TF: variants seen among roughly 807,000 people sequenced by gnomAD.
TF encodes transferrin.
In TF, 55 loss-of-function variants were observed where a neutral mutation model predicts 82.4. The ratio of observed to expected loss-of-function variants is 0.67; its 90% CI spans 0.54 to 0.84. TF has a LOEUF of 0.84. Ranked by LOEUF, TF falls within the 40% of genes least tolerant of loss-of-function variation. The pLI is 0.00. For synonymous variants in TF, 332 were observed against 332.6 expected (o/e 1.00, Z 0.02); for missense variants, 737 against 868.4 (o/e 0.85, Z 1.90).
rs772585063 is a variant in TF, at chr3:133,792,652, A to C, written c.*14032A>C. The C allele has an allele frequency of 4.6e-5, 7 of 152,248 alleles. No individual in the cohort carries two copies. The highest frequency in any genetic ancestry group is 1.0e-4 in the Non-Finnish European group (7 of 68,036). The allele number at this position is 152,248 out of a possible 1,614,324, so 9.4% of individuals were successfully genotyped here. A position where few individuals can be genotyped will look rare whatever the true frequency, so the allele number is the denominator to read the frequency against. ...GAGACTACTGAAGCAACAGTTTTAC[A>C]TGCAAGTTACGTAAGAAAAGTGAAT... On this transcript the variant is annotated 3_prime_UTR_variant, in exon 17 of 17. Coordinates refer to ENST00000402696, the MANE Select transcript of TF (RefSeq NM_001063.4).
rs1466222478 is a variant in TF, at chr3:133,775,425, G to A, written c.1688-8G>A. 2.5e-6 allele frequency: 4 copies of A among 1,614,132 alleles called. No individual in the cohort carries two copies. Among genetic ancestry groups the A allele is most frequent in the Admixed American group, 3.3e-5 (2 of 60,016 alleles). ...CCATCAGCTGAACCACCTTCTTCCTGTCCCTAGGAAAAAACCCTGATCCAT... is the reference window on the plus strand; with the variant it reads ...CCATCAGCTGAACCACCTTCTTCCTATCCCTAGGAAAAAACCCTGATCCAT... On this transcript the variant is annotated splice_polypyrimidine_tract_variant and splice_region_variant and intron_variant, in intron 14 of 16. Transcript: ENST00000402696.
rs1934186427 is a variant in TF at position 133,768,624 on chromosome 3, T to TGGAGC, written c.1622+464_1622+465insCGGAG. Among the ~76,000 whole-genome samples the TGGAGC allele has an allele frequency of 2.7e-5, 4 of 150,750 alleles. No homozygotes were observed. In the South Asian group the frequency reaches 8.4e-4, roughly 32 times the overall value. The stretch of plus-strand genomic sequence containing the variant: ...CTACTGTAGTTGAATAAACACTGAG[T>TGGAGC]GGAGAGTTTGGCTCAAGCTTTTCCA... On this transcript the variant is annotated intron_variant, in intron 13 of 16. Transcript: ENST00000402696.
the TF span, among the ~76,000 whole-genome samples, chr3:133,740,927 T>TTTTTTTTTC: frequency 9.1e-6 from 1 of 110,132 alleles, no homozygotes; most frequent in Non-Finnish European, 1.8e-5. Context: ...TTTTTTTTTT[T>TTTTTTTTTC]AATTTGAGTA....
chr3:133,693,932 G>T, the TF span, among the ~76,000 whole-genome samples: 1 of 152,010 alleles, frequency 6.6e-6, no homozygotes, highest in Non-Finnish European at 1.5e-5. Flanking sequence ...CTCACACCCT[G>T]CAGCGGACAA....
chr3:133,782,802 A>C lies in TF; in HGVS notation c.*4182A>C, dbSNP rs959771189. The C allele has an allele frequency of 5.3e-5, 8 of 151,824 alleles. No homozygotes were observed. Among genetic ancestry groups the C allele is most frequent in the African/African-American group, 1.2e-4 (5 of 41,360 alleles). 9.4% of individuals were successfully genotyped at this position (151,824 alleles called of 1,614,324 possible). ...AAAACCCCATCTCTGCAAAAAAAAAAAAAAAAACAAAAAAAACCCCAAAAA... is the reference window on the plus strand; with the variant it reads ...AAAACCCCATCTCTGCAAAAAAAAACAAAAAAACAAAAAAAACCCCAAAAA... On this transcript the variant is annotated 3_prime_UTR_variant, in exon 17 of 17. Coordinates refer to ENST00000402696, the MANE Select transcript of TF (RefSeq NM_001063.4).
At chr3:133,718,672 G>A in the TF span, among the ~76,000 whole-genome samples, 1 of 152,294 alleles carries the variant, frequency 6.6e-6, no homozygotes, top group African/African-American at 2.4e-5. Context: ...CCCACCTCCA[G>A]AGCCCCAGAA....
At position 133,789,170 on chromosome 3, in the gene TF, A is replaced by G. The variant is rs1474179109; in HGVS notation, c.*10550A>G. ...GGGGATGCCCTTGGCAGCAGTTCTA[A>G]GGACTAGTACTAAGCCCTCCTTAGA... On this transcript the variant is annotated 3_prime_UTR_variant, in exon 17 of 17. Coordinates refer to ENST00000402696, the MANE Select transcript of TF (RefSeq NM_001063.4). The G allele has an allele frequency of 6.6e-6, 1 of 152,298 alleles. No homozygotes were observed. 9.4% of individuals were successfully genotyped at this position (152,298 alleles called of 1,614,324 possible).
intron 15 of TF, 32 bp from the exon 16 acceptor site, chr3:133,777,017 A>T (rs769664827): frequency 6.2e-5 from 99 of 1,606,414 alleles, no homozygotes; most frequent in Non-Finnish European, 8.2e-5. Context: ...AAAGACCACA[A>T]GGTCCTCACG....
At chr3:133,691,302 A>G in the TF span, among the ~76,000 whole-genome samples, 7 of 152,184 alleles carry the variant, frequency 4.6e-5, no homozygotes, top group African/African-American at 1.7e-4. Flanking sequence ...CTTCTTATGG[A>G]TGGAAATATT....
At chr3:133,719,179 T>C in the TF span, among the ~76,000 whole-genome samples, 3 of 152,206 alleles carry the variant, frequency 2.0e-5, no homozygotes, top group Non-Finnish European at 4.4e-5. Flanking sequence ...AGTAGACATA[T>C]AGGAGTGTGA....
the TF span, among the ~76,000 whole-genome samples, chr3:133,693,564 T>C: frequency 6.6e-6 from 1 of 152,242 alleles, no homozygotes. Flanking sequence ...ATCGCAGCTC[T>C]GGCCATGCTT....
the TF span, among the ~76,000 whole-genome samples, chr3:133,731,226 C>T: frequency 2.6e-5 from 4 of 152,164 alleles, no homozygotes; most frequent in Non-Finnish European, 5.9e-5. Flanking sequence ...ACCAGCTGAA[C>T]AGAGCTGATT....
At chr3:133,728,850 G>A in the TF span, among the ~76,000 whole-genome samples, 1 of 152,318 alleles carries the variant, frequency 6.6e-6, no homozygotes. Flanking sequence ...TGGCCTTTCT[G>A]TTTGTTAGCT....
the TF span, among the ~76,000 whole-genome samples, chr3:133,686,943 C>A: frequency 6.6e-6 from 1 of 152,204 alleles, no homozygotes; most frequent in Non-Finnish European, 1.5e-5. Flanking sequence ...TTGAAACCAA[C>A]CCAAATGTCC....
chr3:133,683,669 A>G, the TF span, among the ~76,000 whole-genome samples: 9 of 152,184 alleles, frequency 5.9e-5, no homozygotes, highest in East Asian at 5.8e-4. Context: ...AAATATATAC[A>G]CACCCAATAC....
intron 2 of TF, among the ~76,000 whole-genome samples, chr3:133,750,868 G>T (rs1488291146): frequency 6.6e-6 from 1 of 152,152 alleles, no homozygotes; most frequent in Non-Finnish European, 1.5e-5. Flanking sequence ...TGCCATGTTG[G>T]TGTGCTGCAC....
At chr3:133,736,631 C>CA in the TF span, among the ~76,000 whole-genome samples, 1,289 of 32,536 alleles carry the variant, frequency 0.04, 87 homozygotes, top group African/African-American at 0.096. Context: ...AATGGAAAGC[C>CA]AAAAAAAAAA....
At chr3:133,777,524 G>T in intron 16 of TF, 1 of 369,378 alleles carries the variant, frequency 2.7e-6, no homozygotes, top group Non-Finnish European at 5.0e-6. Flanking sequence ...ACATGCCATT[G>T]CTCTGCAGTA....
chr3:133,729,677 C>G, the TF span, among the ~76,000 whole-genome samples: 1 of 152,230 alleles, frequency 6.6e-6, no homozygotes, highest in East Asian at 1.9e-4. Flanking sequence ...GTCCTGCACC[C>G]ACTGTCTGGC....
Sources: allele counts gnomAD v4.1 joint callset (sites outside exome capture counted in the v4.1 genomes callset), GRCh38; gene constraint gnomAD v4.1.1; transcripts MANE v1.5; gene names NCBI Gene and HGNC (gene_info 2026-07-23, HGNC 2026-07-21).